THUMPD2: variants seen among roughly 807,000 people sequenced by gnomAD.
The protein encoded by THUMPD2 is U6 snRNA (guanine-N(2))-methyltransferase THUMPD2.
In THUMPD2, 56 loss-of-function variants were observed where a neutral mutation model predicts 49.4. That is an observed-to-expected ratio of 1.13 (90% CI 0.91 to 1.41). The LOEUF (loss-of-function observed/expected upper bound fraction) is 1.41. Ranked by LOEUF, THUMPD2 falls within the 40% of genes most tolerant of loss-of-function variation. The probability of loss-of-function intolerance (pLI) is 0.00; values close to 1 mark genes in which losing one functional copy is unlikely to be tolerated. For missense variants in THUMPD2, 709 were observed against 594.5 expected, an observed-to-expected ratio of 1.19 and a Z score of -2.00; for synonymous variants, 237 against 205.2, an observed-to-expected ratio of 1.15 and a Z score of -1.32.
intron 4 of THUMPD2, among the ~76,000 whole-genome samples, chr2:39,767,384 C>T (rs901115297): frequency 2.2e-4 from 34 of 151,618 alleles, no homozygotes; most frequent in South Asian, 1.3e-3. Context: ...GCGGGCGGAT[C>T]ACGAGGTCAG....
rs190765365 is a variant in THUMPD2, at chr2:39,762,867, T to C, written c.804-1449A>G. Among the ~76,000 whole-genome samples, 411 of 151,802 alleles carry C rather than the reference T, an allele frequency of 2.7e-3. 3 individuals carry two copies. The highest frequency in any genetic ancestry group is 3.4e-3 in the Middle Eastern group (1 of 294). ...CTCTTCTAAGCAGCAGGAATTTATA[T>C]GGAACCTTTCAAAGTTTCAAAAACT... On this transcript the variant is annotated intron_variant, in intron 5 of 9. Transcript: ENST00000505747.
chr2:39,746,471 C>T (rs1188742897), intron 8 of THUMPD2, among the ~76,000 whole-genome samples: 6 of 152,126 alleles, frequency 3.9e-5, no homozygotes, highest in East Asian at 3.9e-4. Flanking sequence ...CTGACCGATA[C>T]GATTCAACAT....
At chr2:39,765,777 G>A (rs1182792023) in intron 5 of THUMPD2, among the ~76,000 whole-genome samples, 1 of 152,108 alleles carries the variant, frequency 6.6e-6, no homozygotes, top group African/African-American at 2.4e-5. Context: ...GTATAGGGCT[G>A]TGAAAACCAT....
In THUMPD2 at chr2:39,740,619, CT is replaced by C. The variant is rs983724072; in HGVS notation, c.1188-3561del. ...ATACGCACATAATTTCTTTTCTTTT[CT>C]TTTTTTTTATTTTTTTAGAGATGGG... On this transcript the variant is annotated intron_variant, in intron 9 of 9. Transcript: ENST00000505747. Among the ~76,000 whole-genome samples, 3 of 151,564 alleles carry C rather than the reference CT, an allele frequency of 2.0e-5. 1 individual carries two copies. Among genetic ancestry groups the C allele is most frequent in the Non-Finnish European group, 2.9e-5 (2 of 67,888 alleles).
At chr2:39,767,734 A>T (rs1253392709) in intron 4 of THUMPD2, among the ~76,000 whole-genome samples, 1 of 152,072 alleles carries the variant, frequency 6.6e-6, no homozygotes, top group African/African-American at 2.4e-5. Context: ...TTATTTTTTT[A>T]AAGTGACAAA....
intron 8 of THUMPD2, among the ~76,000 whole-genome samples, chr2:39,749,241 A>G (rs1355175517): frequency 1.3e-5 from 2 of 152,230 alleles, no homozygotes; most frequent in African/African-American, 2.4e-5. Flanking sequence ...CATCTTTGAC[A>G]GAAAAAAACC....
At chr2:39,758,470 G>C (rs571880471) in intron 6 of THUMPD2, among the ~76,000 whole-genome samples, 1 of 152,128 alleles carries the variant, frequency 6.6e-6, no homozygotes, top group Admixed American at 6.5e-5. Context: ...ACATGTGTGG[G>C]GCCTCCCTGC....
intron 3 of THUMPD2, chr2:39,768,846 A>T: frequency 8.4e-7 from 1 of 1,185,924 alleles, no homozygotes; most frequent in Non-Finnish European, 1.1e-6. Context: ...TAACTATGTC[A>T]GCTACTATAA....
chr2:39,746,519 C>T (rs1674619301), intron 8 of THUMPD2, among the ~76,000 whole-genome samples: 1 of 152,144 alleles, frequency 6.6e-6, no homozygotes, highest in Non-Finnish European at 1.5e-5. Flanking sequence ...GCTTTAAATA[C>T]TGCTTGTGAA....
chr2:39,740,357 G>T (rs1172515445), intron 9 of THUMPD2, among the ~76,000 whole-genome samples: 2 of 152,178 alleles, frequency 1.3e-5, no homozygotes, highest in Non-Finnish European at 2.9e-5. Context: ...GGAGATTCAT[G>T]ACATTGTTGA....
At chr2:39,740,815 T>C (rs1186889314) in intron 9 of THUMPD2, among the ~76,000 whole-genome samples, 1 of 152,240 alleles carries the variant, frequency 6.6e-6, no homozygotes, top group Admixed American at 6.5e-5. Flanking sequence ...CAAGCGATCC[T>C]CCTACTTTAG....
intron 3 of THUMPD2, chr2:39,768,876 A>G: frequency 7.7e-7 from 1 of 1,292,200 alleles, no homozygotes; most frequent in Non-Finnish European, 1.0e-6. Flanking sequence ...TTTAAAAATT[A>G]TCAGATTAGT....
rs1677851829 is a variant in THUMPD2 at position 39,768,471 on chromosome 2, T to A, written c.703A>T (p.Met235Leu). Residue 235 changes from methionine to leucine, a missense_variant, in exon 4 of 10, where the codon ATG becomes TTG. Physicochemically the swap from Met to Leu is conservative, Grantham distance 15. Coordinates refer to ENST00000505747, the MANE Select transcript of THUMPD2 (RefSeq NM_025264.5). The part of the protein sequence containing the change: ...EVGKVIGIAI[M>L]KHFGWKADLR... ...TCTGCTTTCCATCCAAAGTGTTTCATAATAGCAATTCCAATTACTTTTCCT... is the reference window on the plus strand; with the variant it reads ...TCTGCTTTCCATCCAAAGTGTTTCAAAATAGCAATTCCAATTACTTTTCCT... 5 of 1,612,998 alleles carry A rather than the reference T, an allele frequency of 3.1e-6. No individual in the cohort carries two copies. The highest frequency in any genetic ancestry group is 4.2e-6 in the Non-Finnish European group (5 of 1,179,622).
chr2:39,737,125 A>G (rs945888628), intron 9 of THUMPD2, 66 bp from the exon 10 acceptor site: 65 of 1,400,738 alleles, frequency 4.6e-5, no homozygotes, highest in Non-Finnish European at 5.8e-5. Context: ...ATCCCACTTC[A>G]TTTAAAATGG....
chr2:39,757,943 T>G (rs543151518), intron 6 of THUMPD2, among the ~76,000 whole-genome samples: 1 of 152,178 alleles, frequency 6.6e-6, no homozygotes, highest in Non-Finnish European at 1.5e-5. Context: ...CACTACCACA[T>G]TCCCTCCAAA....
At position 39,779,095 on chromosome 2, in the gene THUMPD2, C is replaced by T. The variant is rs1469906282; in HGVS notation, c.126+19G>A. 6.7e-7 allele frequency: 1 copy of T among 1,497,844 alleles called. No homozygotes were observed. The highest frequency in any genetic ancestry group is 8.8e-7 in the Non-Finnish European group (1 of 1,130,398). The allele number at this position is 1,497,844 out of a possible 1,614,324, so 92.8% of individuals were successfully genotyped here. ...ACAGGGCCGCCCACCTCCCCAGGCGCGCAGCGAGGCCAACTCACCTGCGTG... is the reference window on the plus strand; with the variant it reads ...ACAGGGCCGCCCACCTCCCCAGGCGTGCAGCGAGGCCAACTCACCTGCGTG... On this transcript the variant is annotated intron_variant, in intron 1 of 9. Coordinates refer to ENST00000505747, the MANE Select transcript of THUMPD2 (RefSeq NM_025264.5).
chr2:39,751,906 C>T (rs545627109), intron 8 of THUMPD2, among the ~76,000 whole-genome samples: 4 of 151,912 alleles, frequency 2.6e-5, no homozygotes, highest in Non-Finnish European at 4.4e-5. Context: ...AGGCTGGTCT[C>T]GAATTCTTGA....
chr2:39,751,935 C>T (rs566276484), intron 8 of THUMPD2, among the ~76,000 whole-genome samples: 2 of 152,088 alleles, frequency 1.3e-5, no homozygotes. Context: ...GATCTGCCTG[C>T]CTCAGCCTTC....
Position 39,737,002 on chromosome 2 carries a change from G to A in THUMPD2, c.1245C>T (p.Arg415=). ...VLLLSEDHHR[R]LTDCKESNIP... Reference sequence around the variant, plus strand: ...TGTTGCTCTCTTTACAATCTGTAAGGCGCCTGTGGTGATCTTCACTAAGCA... The same window carrying A: ...TGTTGCTCTCTTTACAATCTGTAAGACGCCTGTGGTGATCTTCACTAAGCA... Residue 415 remains arginine (R), a synonymous_variant, in exon 10 of 10, where the codon CGC becomes CGT. Transcript: ENST00000505747. 6.2e-7 allele frequency: 1 copy of A among 1,613,922 alleles called. No homozygotes were observed. Among genetic ancestry groups the A allele is most frequent in the South Asian group, 1.1e-5 (1 of 91,068 alleles).
Sources: gnomAD v4.1 joint callset for allele counts (sites outside exome capture counted in the v4.1 genomes callset) on GRCh38, gnomAD v4.1.1 for gene constraint, MANE v1.5 for transcripts, NCBI Gene and HGNC (gene_info 2026-07-23, HGNC 2026-07-21) for gene names.